The following TSPEAR variants were observed in gnomAD, a reference collection of about 807,000 sequenced individuals.
The protein encoded by TSPEAR is thrombospondin type laminin G domain and EAR repeats, also known as thrombospondin-type laminin G domain and EAR repeat-containing protein.
TSPEAR carries 69 observed loss-of-function variants against 71.6 expected under a neutral mutation model. The ratio of observed to expected loss-of-function variants is 0.96; its 90% CI spans 0.79 to 1.18. The LOEUF is 1.18. Among genes scored for constraint, TSPEAR ranks in the 50% most tolerant of loss-of-function variants. TSPEAR has a pLI of 0.00. For missense variants in TSPEAR, 971 were observed against 894.9 expected (o/e 1.09, Z -1.09); for synonymous variants, 402 against 387.2 (o/e 1.04, Z -0.45).
chr21:44,508,628 T>A, intron 10 of TSPEAR: 1 of 1,183,706 alleles, frequency 8.4e-7, no homozygotes, highest in Non-Finnish European at 1.1e-6. Context: ...CCACGCAACC[T>A]CCTGTGGCTC....
chr21:44,583,224 G>T (rs587633000), intron 1 of TSPEAR, among the ~76,000 whole-genome samples: 2 of 152,338 alleles, frequency 1.3e-5, no homozygotes, highest in East Asian at 1.9e-4. Flanking sequence ...GCCCTGGCTG[G>T]GGGAGGGAGG....
At chr21:44,575,185 C>CG (rs1437912889) in intron 1 of TSPEAR, 5 of 768,148 alleles carry the variant, frequency 6.5e-6, no homozygotes, top group African/African-American at 3.5e-5. Context: ...AGCCCTCTTG[C>CG]GGGGGGAGGG....
chr21:44,507,791 T>C (rs1555912109), intron 10 of TSPEAR, among the ~76,000 whole-genome samples: 3 of 152,240 alleles, frequency 2.0e-5, no homozygotes, highest in African/African-American at 7.2e-5. Context: ...GGCGTTGACA[T>C]TGGATGGCGT....
chr21:44,529,793 C>T lies in TSPEAR; in HGVS notation c.790+5G>A, dbSNP rs1569167108. The T allele has an allele frequency of 3.1e-6, 5 of 1,613,702 alleles. No individual in the cohort carries two copies. In the Admixed American group the frequency reaches 8.3e-5, roughly 27 times the overall value. ...GGTGTGGGGGCGGGTGGCCCCCCTA[C>T]TAACCATAGGGATATTTTAGCACCT... On this transcript the variant is annotated splice_donor_5th_base_variant and intron_variant, in intron 5 of 11. Transcript: ENST00000323084.
chr21:44,691,004 C>T (rs1987100415), intron 1 of TSPEAR, among the ~76,000 whole-genome samples: 1 of 152,184 alleles, frequency 6.6e-6, no homozygotes, highest in Non-Finnish European at 1.5e-5. Context: ...AACACAGCTT[C>T]TCTAATTTAA....
intron 1 of TSPEAR, among the ~76,000 whole-genome samples, chr21:44,686,996 A>G (rs1300974484): frequency 6.6e-6 from 1 of 152,168 alleles, no homozygotes; most frequent in Non-Finnish European, 1.5e-5. Flanking sequence ...CTGTGGCTGA[A>G]GCTGCTGAGT....
At position 44,623,777 on chromosome 21, in the gene TSPEAR, C is replaced by T. The variant is rs1421828638; in HGVS notation, c.83-55772G>A. ...GCCATCATTTCTACTGAGAAGTCAT[C>T]TGTAAATGCTATTGTTGCTTCTTTA... On this transcript the variant is annotated intron_variant, in intron 1 of 11. Transcript: ENST00000323084. This position sits in a 1 kb window ranked among gnomAD's most constrained non-coding sequence, Gnocchi z 4.5. 6.6e-6 allele frequency among the ~76,000 whole-genome samples: 1 copy of T among 152,194 alleles called. No homozygotes were observed. The highest frequency in any genetic ancestry group is 1.5e-5 in the Non-Finnish European group (1 of 68,036).
intron 9 of TSPEAR, among the ~76,000 whole-genome samples, chr21:44,512,915 G>T: frequency 6.6e-6 from 1 of 152,150 alleles, no homozygotes; most frequent in East Asian, 1.9e-4. Flanking sequence ...CTGGGGGGCC[G>T]GGGGCGGCTC....
chr21:44,627,178 G>T (rs377104689), intron 1 of TSPEAR: 2 of 1,611,902 alleles, frequency 1.2e-6, no homozygotes, highest in African/African-American at 2.7e-5. Flanking sequence ...CAGCATGGCC[G>T]CGTCCACCAT....
intron 9 of TSPEAR, among the ~76,000 whole-genome samples, chr21:44,510,342 G>A (rs1474848600): frequency 1.3e-5 from 2 of 152,190 alleles, no homozygotes; most frequent in Non-Finnish European, 2.9e-5. Flanking sequence ...ACTCACCCCC[G>A]TCCGGAGGGC....
rs587763841 is a variant in TSPEAR at position 44,560,715 on chromosome 21, C to T, written c.303+7070G>A. On this transcript the variant is annotated intron_variant, in intron 2 of 11. Coordinates refer to ENST00000323084, the MANE Select transcript of TSPEAR (RefSeq NM_144991.3). ...ACACAACTACATGGAAATTGAACAACCTGCTCCTGAATGACTCCTGGGTAA... is the reference window on the plus strand; with the variant it reads ...ACACAACTACATGGAAATTGAACAATCTGCTCCTGAATGACTCCTGGGTAA... 4.1e-4 allele frequency among the ~76,000 whole-genome samples: 62 copies of T among 152,306 alleles called. 1 individual carries two copies. Among genetic ancestry groups the T allele is most frequent in the Middle Eastern group, 3.4e-3 (1 of 294 alleles).
intron 1 of TSPEAR, among the ~76,000 whole-genome samples, chr21:44,588,863 G>A (rs1374898054): frequency 6.6e-6 from 1 of 151,706 alleles, no homozygotes; most frequent in East Asian, 1.9e-4. Context: ...ACCTGGATGA[G>A]ATTGGAGATT....
intron 1 of TSPEAR, among the ~76,000 whole-genome samples, chr21:44,674,737 T>A (rs1182880446): frequency 1.0e-4 from 4 of 39,072 alleles, no homozygotes; most frequent in African/African-American, 5.2e-4. Flanking sequence ...TTAAAGTGTG[T>A]GTGTGTGTGT....
chr21:44,647,556 T>A (rs1245117416), intron 1 of TSPEAR: 2 of 664,000 alleles, frequency 3.0e-6, no homozygotes, highest in East Asian at 5.5e-5. Flanking sequence ...GCAGGTGGAC[T>A]GTGGCTTTCT....
intron 1 of TSPEAR, among the ~76,000 whole-genome samples, chr21:44,641,399 T>C (rs1555938515): frequency 6.6e-6 from 1 of 152,120 alleles, no homozygotes; most frequent in Non-Finnish European, 1.5e-5. Context: ...TAATAGACCC[T>C]GAAAGCAGAA....
At chr21:44,534,062 C>A in intron 2 of TSPEAR, 139 bp from the exon 3 acceptor site, 1 of 640,398 alleles carries the variant, frequency 1.6e-6, no homozygotes, top group Admixed American at 2.4e-5. Context: ...GGTGAGGGGG[C>A]GCGGTGGATG....
At position 44,612,308 on chromosome 21, in the gene TSPEAR, C is replaced by G; in HGVS notation, c.83-44303G>C. On this transcript the variant is annotated intron_variant, in intron 1 of 11. Transcript: ENST00000323084. This position sits in a 1 kb window ranked among gnomAD's most constrained non-coding sequence, Gnocchi z 4.1. ...TACCCCTAGCTGCTGTGCCCCAGCC[C>G]CCTGCCTGGCCCTGGTCTGTGCCCC... 6.2e-7 allele frequency: 1 copy of G among 1,613,642 alleles called. No homozygotes were observed. The highest frequency in any genetic ancestry group is 8.5e-7 in the Non-Finnish European group (1 of 1,180,000).
chr21:44,681,937 C>T (rs376423915), intron 1 of TSPEAR: 19 of 1,614,028 alleles, frequency 1.2e-5, no homozygotes, highest in East Asian at 8.9e-5. Flanking sequence ...GCATACACGA[C>T]GGGCCTGCAG....
chr21:44,593,019 C>T lies in TSPEAR; in HGVS notation c.83-25014G>A, dbSNP rs1288646198. On this transcript the variant is annotated intron_variant, in intron 1 of 11. Transcript: ENST00000323084. The surrounding 1 kb of genome is among the most constrained non-coding windows in gnomAD (Gnocchi z 5.9). ...CTGTAACTGTGCCCAGACCTCTTGG[C>T]TTTGAGCTCTGGACGACTTCTCATC... Among the ~76,000 whole-genome samples, 1 of 152,218 alleles carries T rather than the reference C, an allele frequency of 6.6e-6. No individual in the cohort carries two copies.
Sources: gnomAD v4.1 joint callset for allele counts (sites outside exome capture counted in the v4.1 genomes callset) on GRCh38, gnomAD v4.1.1 for gene constraint, Gnocchi (gnomAD v3.1) non-coding constraint, MANE v1.5 for transcripts, NCBI Gene and HGNC (gene_info 2026-07-23, HGNC 2026-07-21) for gene names.